The following KCNIP1 variants were observed in gnomAD, a reference collection of about 807,000 sequenced individuals.
KCNIP1 encodes A-type potassium channel modulatory protein KCNIP1.
In KCNIP1, 18 loss-of-function variants were observed where a neutral mutation model predicts 33.0. The observed-to-expected ratio is 0.55, with a 90% confidence interval of 0.38 to 0.81. The LOEUF (loss-of-function observed/expected upper bound fraction) is 0.81. KCNIP1 is among the 30% of genes least tolerant of loss of function. The pLI is 0.00. For synonymous variants in KCNIP1, 93 were observed against 98.3 expected, an observed-to-expected ratio of 0.95 and a Z score of 0.32; for missense variants, 238 against 271.6, an observed-to-expected ratio of 0.88 and a Z score of 0.87.
intron 1 of KCNIP1, among the ~76,000 whole-genome samples, chr5:170,623,708 G>T (rs1406257049): frequency 1.3e-5 from 2 of 152,176 alleles, no homozygotes; most frequent in African/African-American, 4.8e-5. Context: ...CTCCAAATGG[G>T]CTTATCAAGG....
chr5:170,395,085 A>G (rs1232632892), intron 1 of KCNIP1, among the ~76,000 whole-genome samples: 2 of 152,218 alleles, frequency 1.3e-5, no homozygotes, highest in East Asian at 3.8e-4. Flanking sequence ...TTATGGTAGA[A>G]TACTTTATTT....
At chr5:170,491,105 C>T (rs1157346669) in intron 1 of KCNIP1, among the ~76,000 whole-genome samples, 1 of 152,112 alleles carries the variant, frequency 6.6e-6, no homozygotes, top group Non-Finnish European at 1.5e-5. Flanking sequence ...TGATCTGATT[C>T]GTTTGTTTGC....
chr5:170,662,137 G>T (rs1050145257), intron 1 of KCNIP1, among the ~76,000 whole-genome samples: 4 of 152,208 alleles, frequency 2.6e-5, no homozygotes, highest in African/African-American at 9.6e-5. Flanking sequence ...CAGGAAGGTA[G>T]CTTCTATTTT....
chr5:170,672,025 T>C (rs1280390206), intron 1 of KCNIP1, among the ~76,000 whole-genome samples: 1 of 152,220 alleles, frequency 6.6e-6, no homozygotes, highest in Non-Finnish European at 1.5e-5. Flanking sequence ...TATTCCTCAC[T>C]GGAGGCTTCA....
At chr5:170,414,857 G>A (rs781365302) in intron 1 of KCNIP1, among the ~76,000 whole-genome samples, 7 of 152,156 alleles carry the variant, frequency 4.6e-5, no homozygotes, top group Non-Finnish European at 1.0e-4. Context: ...ATCTACCTGG[G>A]CTTTTCCCAC....
At chr5:170,616,408 G>A (rs901693666) in intron 1 of KCNIP1, among the ~76,000 whole-genome samples, 1 of 152,166 alleles carries the variant, frequency 6.6e-6, no homozygotes, top group Non-Finnish European at 1.5e-5. Context: ...TAGTTAAGGT[G>A]GATAATGACT....
intron 1 of KCNIP1, among the ~76,000 whole-genome samples, chr5:170,445,446 G>A (rs546318939): frequency 7.2e-5 from 11 of 152,350 alleles, no homozygotes; most frequent in African/African-American, 2.4e-4. Context: ...TGCGGATCCC[G>A]AGGTGGATTC....
intron 1 of KCNIP1, among the ~76,000 whole-genome samples, chr5:170,704,796 G>C (rs1490320996): frequency 6.6e-6 from 1 of 152,180 alleles, no homozygotes; most frequent in Non-Finnish European, 1.5e-5. Context: ...GATTTAAGCA[G>C]GATAGAGCCC....
intron 1 of KCNIP1, among the ~76,000 whole-genome samples, chr5:170,367,352 A>AGAAGGAAAGAAAGAAAGAAG (rs1561586696): frequency 2.4e-5 from 1 of 41,726 alleles, no homozygotes; most frequent in African/African-American, 1.0e-4. Context: ...GGAAAGAAAA[A>AGAAGGAAAGAAAGAAAGAAG]GAAAGAAAGA....
At chr5:170,463,872 A>C (rs939211405) in intron 1 of KCNIP1, among the ~76,000 whole-genome samples, 3 of 152,220 alleles carry the variant, frequency 2.0e-5, no homozygotes, top group Non-Finnish European at 4.4e-5. Context: ...AAAGGAAGAA[A>C]TAAAACTATT....
chr5:170,719,403 G>A (rs903526851), intron 2 of KCNIP1, among the ~76,000 whole-genome samples: 8 of 152,202 alleles, frequency 5.3e-5, no homozygotes, highest in African/African-American at 9.7e-5. Flanking sequence ...GTCAGAGGAC[G>A]GGAGTTCCTT....
chr5:170,601,787 C>T (rs1030172394), intron 1 of KCNIP1, among the ~76,000 whole-genome samples: 8 of 152,184 alleles, frequency 5.3e-5, no homozygotes, highest in African/African-American at 9.6e-5. Context: ...TGCACTGTAA[C>T]GGAGGCATCG....
chr5:170,477,703 A>G (rs1388310853), intron 1 of KCNIP1, among the ~76,000 whole-genome samples: 2 of 152,138 alleles, frequency 1.3e-5, no homozygotes, highest in Admixed American at 6.5e-5. Context: ...CGGCCTCCCA[A>G]AGTGCTGGGA....
intron 1 of KCNIP1, among the ~76,000 whole-genome samples, chr5:170,633,457 G>C (rs1225809531): frequency 6.6e-6 from 1 of 150,894 alleles, no homozygotes; most frequent in Non-Finnish European, 1.5e-5. Context: ...ATGTCTGGGA[G>C]GAGAGCTTTT....
intron 5 of KCNIP1, among the ~76,000 whole-genome samples, chr5:170,731,706 A>G (rs1169107598): frequency 2.4e-4 from 16 of 67,724 alleles, no homozygotes; most frequent in African/African-American, 5.6e-4. Context: ...AAAAAAAAAA[A>G]AAGAAAAAAG....
chr5:170,547,840 A>C lies in KCNIP1; in HGVS notation c.61+43207A>C, dbSNP rs1488824786. ...AGTGCTACAATGAACATACGCGTGC[A>C]GCTGTCTTTATAATAGAATAATTTC... is the stretch of plus-strand genomic sequence containing the variant. On this transcript the variant is annotated intron_variant, in intron 1 of 7. Coordinates refer to ENST00000328939, the MANE Select transcript of KCNIP1 (RefSeq NM_014592.4). Among the ~76,000 whole-genome samples the C allele has an allele frequency of 2.0e-5, 3 of 152,208 alleles. No homozygotes were observed. In the East Asian group the frequency reaches 5.8e-4, roughly 29 times the overall value.
At chr5:170,413,324 T>C (rs1755246546) in intron 1 of KCNIP1, among the ~76,000 whole-genome samples, 1 of 152,244 alleles carries the variant, frequency 6.6e-6, no homozygotes, top group African/African-American at 2.4e-5. Flanking sequence ...TCATCGTGCC[T>C]GGCCTTGGCA....
intron 1 of KCNIP1, among the ~76,000 whole-genome samples, chr5:170,427,434 G>A (rs538988370): frequency 5.3e-4 from 81 of 152,280 alleles, no homozygotes; most frequent in Admixed American, 2.4e-3. Context: ...CCTATGAGGC[G>A]GGCATTCTTA....
intron 1 of KCNIP1, among the ~76,000 whole-genome samples, chr5:170,509,245 C>T (rs767490188): frequency 5.9e-5 from 9 of 152,192 alleles, no homozygotes; most frequent in Non-Finnish European, 1.2e-4. Context: ...AACAGTGATT[C>T]TACTCCCACT....
Sources: gnomAD v4.1 joint callset for allele counts (sites outside exome capture counted in the v4.1 genomes callset) on GRCh38, gnomAD v4.1.1 for gene constraint, MANE v1.5 for transcripts, NCBI Gene and HGNC (gene_info 2026-07-23, HGNC 2026-07-21) for gene names.